RARB: variants seen among roughly 807,000 people sequenced by gnomAD.
The protein encoded by RARB is HBV-activated protein.
Under a neutral mutation model 51.9 loss-of-function variants are expected in RARB, and 17 were observed. The ratio of observed to expected loss-of-function variants is 0.33; its 90% confidence interval spans 0.22 to 0.49. RARB has a LOEUF of 0.49. Ranked by LOEUF, RARB falls within the 20% of genes least tolerant of loss-of-function variation. RARB has a pLI of 0.99. For missense variants in RARB, 369 were observed against 550.8 expected (o/e 0.67, Z 3.30); for synonymous variants, 215 against 195.4 (o/e 1.10, Z -0.84).
At chr3:25,132,550 T>C (rs567301172) in intron 4 of RARB, among the ~76,000 whole-genome samples, 2 of 151,920 alleles carry the variant, frequency 1.3e-5, no homozygotes, top group African/African-American at 2.4e-5. Context: ...TTGCAATTGA[T>C]TCTCTCAAAA....
chr3:24,996,787 C>A (rs897689491), intron 2 of RARB, among the ~76,000 whole-genome samples: 3 of 151,898 alleles, frequency 2.0e-5, no homozygotes, highest in African/African-American at 7.3e-5. Flanking sequence ...TGTTGATAAT[C>A]TAGTTTTATC....
chr3:24,894,918 A>T (rs774198321), intron 2 of RARB, among the ~76,000 whole-genome samples: 67 of 152,214 alleles, frequency 4.4e-4, no homozygotes, highest in Admixed American at 3.9e-4. Flanking sequence ...GGAGAGTCAG[A>T]TGAGTTTTGT....
At chr3:25,321,617 T>C (rs917542657) in intron 5 of RARB, among the ~76,000 whole-genome samples, 2 of 151,976 alleles carry the variant, frequency 1.3e-5, no homozygotes, top group African/African-American at 4.8e-5. Context: ...CTCGGGAGGC[T>C]GAGGCAGGAG....
At chr3:25,040,057 G>A (rs1025686100) in intron 2 of RARB, among the ~76,000 whole-genome samples, 2 of 152,184 alleles carry the variant, frequency 1.3e-5, no homozygotes, top group African/African-American at 4.8e-5. Flanking sequence ...AGCTCTGCTG[G>A]CCAGGCCAGG....
intron 5 of RARB, among the ~76,000 whole-genome samples, chr3:25,585,800 C>A (rs768088911): frequency 2.0e-5 from 3 of 152,150 alleles, no homozygotes; most frequent in Non-Finnish European, 2.9e-5. Flanking sequence ...TATTTGTCAA[C>A]ACAGGAGGAA....
intron 4 of RARB, among the ~76,000 whole-genome samples, chr3:25,169,693 TA>T (rs1485068089): frequency 3.3e-5 from 5 of 152,014 alleles, no homozygotes; most frequent in Admixed American, 1.3e-4. Context: ...AACCAATAGA[TA>T]AAAAAAATTT....
chr3:25,384,277 C>T (rs1706727457), intron 5 of RARB, among the ~76,000 whole-genome samples: 1 of 151,614 alleles, frequency 6.6e-6, no homozygotes, highest in East Asian at 1.9e-4. Flanking sequence ...CTCCTTCCTT[C>T]CTTCTCTTTC....
At chr3:24,839,728 G>A (rs1360488691) in intron 1 of RARB, among the ~76,000 whole-genome samples, 5 of 99,866 alleles carry the variant, frequency 5.0e-5, no homozygotes, top group South Asian at 4.1e-4. Flanking sequence ...AAGGGGGGGG[G>A]GGTGGGGGAA....
chr3:24,929,557 A>AT (rs1376833887), intron 2 of RARB, among the ~76,000 whole-genome samples: 1 of 152,150 alleles, frequency 6.6e-6, no homozygotes, highest in Non-Finnish European at 1.5e-5. Flanking sequence ...GTCATTATTC[A>AT]TTCATTCCAC....
Position 25,067,158 on chromosome 3 carries a change from G to A in RARB, c.-328+6982G>A, listed in dbSNP as rs370752479. Among the ~76,000 whole-genome samples the A allele has an allele frequency of 1.4e-3, 216 of 152,288 alleles. 12 individuals are homozygous for A. In the South Asian group the frequency reaches 0.044, roughly 31 times the overall value. On this transcript the variant is annotated intron_variant, in intron 3 of 11. Coordinates refer to the RARB transcript ENST00000383772. ...ACGGGTGAGCACCTGGTTGTAGAGA[G>A]GGAAGCCTGCCTGGAGAGGTGATTT...
chr3:25,363,583 G>T (rs2086790), intron 5 of RARB, among the ~76,000 whole-genome samples: 11,457 of 151,924 alleles, frequency 0.075, 630 homozygotes, highest in African/African-American at 0.15. Flanking sequence ...CCACAGTATG[G>T]GTCTACAATC....
At chr3:25,257,754 A>G (rs759646036) in intron 5 of RARB, among the ~76,000 whole-genome samples, 2 of 151,844 alleles carry the variant, frequency 1.3e-5, no homozygotes, top group Non-Finnish European at 2.9e-5. Context: ...CTCTTCATCT[A>G]TTTTATTCCC....
At chr3:25,349,335 C>T (rs946962153) in intron 5 of RARB, among the ~76,000 whole-genome samples, 2 of 152,162 alleles carry the variant, frequency 1.3e-5, no homozygotes, top group Non-Finnish European at 2.9e-5. Context: ...CAGCACTTTT[C>T]GAGGATGGCC....
chr3:25,285,476 C>T (rs1703626814), intron 5 of RARB, among the ~76,000 whole-genome samples: 1 of 152,118 alleles, frequency 6.6e-6, no homozygotes, highest in South Asian at 2.1e-4. Context: ...TTGGTAGTGA[C>T]ATGATCACTT....
At chr3:24,969,482 G>A (rs531604372) in intron 2 of RARB, among the ~76,000 whole-genome samples, 8 of 152,070 alleles carry the variant, frequency 5.3e-5, no homozygotes, top group African/African-American at 1.4e-4. Context: ...TAGGCCAGCC[G>A]TTGTTTTTCT....
At chr3:25,285,374 G>C (rs984784012) in intron 5 of RARB, among the ~76,000 whole-genome samples, 4 of 152,206 alleles carry the variant, frequency 2.6e-5, no homozygotes, top group African/African-American at 9.6e-5. Flanking sequence ...TCTAGGAAGA[G>C]AGGAGAGAGA....
intron 3 of RARB, among the ~76,000 whole-genome samples, chr3:25,114,867 A>G (rs541802280): frequency 4.1e-4 from 62 of 152,314 alleles, no homozygotes; most frequent in Admixed American, 2.0e-3. Flanking sequence ...GTCATAGAGG[A>G]TGATATTGTA....
intron 5 of RARB, among the ~76,000 whole-genome samples, chr3:25,280,437 C>T (rs1429837213): frequency 6.6e-6 from 1 of 152,070 alleles, no homozygotes; most frequent in Non-Finnish European, 1.5e-5. Flanking sequence ...GGTAGCATGT[C>T]CTGAACCCCA....
chr3:25,301,471 A>G (rs1704036664), intron 5 of RARB, among the ~76,000 whole-genome samples: 1 of 152,190 alleles, frequency 6.6e-6, no homozygotes, highest in South Asian at 2.1e-4. Flanking sequence ...TCTCGTTATA[A>G]CCATAAGGTC....
Sources: gnomAD v4.1 joint callset for allele counts (sites outside exome capture counted in the v4.1 genomes callset) on GRCh38, gnomAD v4.1.1 for gene constraint, MANE v1.5 for transcripts, NCBI Gene and HGNC (gene_info 2026-07-23, HGNC 2026-07-21) for gene names.